The following RAB25 variants were observed in gnomAD, a reference collection of about 807,000 sequenced individuals.
The protein encoded by RAB25 is RAB25, member RAS oncogene family, also known as ras-related protein Rab-25.
Under a neutral mutation model 25.2 loss-of-function variants are expected in RAB25, and 23 were observed. That is an observed-to-expected ratio of 0.91 (90% confidence interval 0.66 to 1.29). RAB25 has a LOEUF of 1.29. Ranked by LOEUF, RAB25 falls within the 50% of genes most tolerant of loss-of-function variation. The pLI is 0.00. For synonymous variants in RAB25, 102 were observed against 111.5 expected (o/e 0.91, Z 0.54); for missense variants, 244 against 277.3 (o/e 0.88, Z 0.85).
chr1:156,065,792 C>CGT (rs1285783511), intron 1 of RAB25, 119 bp from the exon 2 acceptor site: 9 of 774,430 alleles, frequency 1.2e-5, no homozygotes, highest in Non-Finnish European at 1.8e-5. Context: ...CAGGAGACTC[C>CGT]GTTCCCTAAT....
At position 156,070,285 on chromosome 1, in the gene RAB25, T is replaced by C; in HGVS notation, c.640T>C (p.Ter214ArgextTer44). The change falls in exon 5 of 5, where the codon TGA becomes CGA. Residue 214 changes from the stop codon to arginine (R), a stop_lost. Transcript: ENST00000361084. Reference protein sequence around the residue: ...GEKRACCISL* With the variant: ...GEKRACCISLR ...GAAGAGGGCCTGTTGCATCAGCCTC[T>C]GACCTTGGCCAGCACCACCTGCCCC... is the stretch of plus-strand genomic sequence containing the variant. 1.9e-6 allele frequency: 3 copies of C among 1,613,510 alleles called. No individual in the cohort carries two copies. Among genetic ancestry groups the C allele is most frequent in the Non-Finnish European group, 8.5e-7 (1 of 1,179,542 alleles).
intron 4 of RAB25, 89 bp downstream of exon 4, chr1:156,069,840 C>T: frequency 8.3e-7 from 1 of 1,203,760 alleles, no homozygotes; most frequent in Non-Finnish European, 1.2e-6. Flanking sequence ...GCCCTCACCC[C>T]AGCTAATTTC....
chr1:156,061,198 A>C lies in RAB25; in HGVS notation c.-203A>C, dbSNP rs982171056. Reference sequence around the variant, plus strand: ...CTCTCTGCTTCCTTACAGCACCCCCACCTGCCAGAGCTGATCCTCCCTAGG... The same window carrying C: ...CTCTCTGCTTCCTTACAGCACCCCCCCCTGCCAGAGCTGATCCTCCCTAGG... On this transcript the variant is annotated 5_prime_UTR_variant, in exon 1 of 5. Transcript: ENST00000361084. The C allele has an allele frequency of 2.2e-5, 12 of 552,780 alleles. 1 individual carries two copies. The highest frequency in any genetic ancestry group is 5.8e-5 in the Admixed American group (2 of 34,780). 34.2% of individuals were successfully genotyped at this position (552,780 alleles called of 1,614,324 possible).
chr1:156,069,715 A>T lies in RAB25; in HGVS notation c.478A>T (p.Thr160Ser), dbSNP rs758368794. Residue 160 changes from threonine to serine, a missense_variant, in exon 4 of 5, where the codon ACC (threonine) becomes TCC (serine). Coordinates refer to ENST00000361084, the MANE Select transcript of RAB25 (RefSeq NM_020387.4). Reference sequence around the variant, plus strand: ...CCTGGAGACCTCAGCCCTGGACTCTACCAATGTTGAGCTAGCCTTTGAGAC... The same window carrying T: ...CCTGGAGACCTCAGCCCTGGACTCTTCCAATGTTGAGCTAGCCTTTGAGAC... ...LFLETSALDS[T>S]NVELAFETVL... 1 of 1,613,426 alleles carries T rather than the reference A, an allele frequency of 6.2e-7. No homozygotes were observed. The highest frequency in any genetic ancestry group is 1.1e-5 in the South Asian group (1 of 91,068).
intron 4 of RAB25, 129 bp downstream of exon 4, chr1:156,069,880 G>A: frequency 1.1e-6 from 1 of 945,696 alleles, no homozygotes; most frequent in Non-Finnish European, 1.7e-6. Flanking sequence ...TGGCACCACT[G>A]CCTGTCCCCC....
rs757540687 is a variant in RAB25 at position 156,070,141 on chromosome 1, C to T, written c.515-19C>T. 1 of 1,613,992 alleles carries T rather than the reference C, an allele frequency of 6.2e-7. No individual in the cohort carries two copies. Among genetic ancestry groups the T allele is most frequent in the African/African-American group, 1.3e-5 (1 of 74,910 alleles). ...GGCTCTAAATCTTCTGGCCTGATCA[C>T]TGCCCTCTGCCCTCCCAGAAATCTT... On this transcript the variant is annotated intron_variant, in intron 4 of 4. Transcript: ENST00000361084.
intron 1 of RAB25, 87 bp from the exon 2 acceptor site, chr1:156,065,824 C>G: frequency 8.8e-7 from 1 of 1,136,146 alleles, no homozygotes; most frequent in Non-Finnish European, 1.2e-6. Context: ...GCTCAGTTCC[C>G]TTTTTCTGCT....
intron 3 of RAB25, among the ~76,000 whole-genome samples, chr1:156,068,908 C>T (rs1253007920): frequency 1.3e-5 from 2 of 150,814 alleles, no homozygotes. Context: ...AGGCTGGTCT[C>T]GAACCCCTGA....
rs1456312179 is a variant in RAB25, at chr1:156,070,464, C to T, written c.*177C>T. 1.0e-5 allele frequency: 8 copies of T among 797,454 alleles called. No individual in the cohort carries two copies. The highest frequency in any genetic ancestry group is 2.9e-5 in the Admixed American group (1 of 33,902). The allele number at this position is 797,454 out of a possible 1,614,324, so 49.4% of individuals were successfully genotyped here. ...AAATACCTCTTTTATCTGTCCACCCCTCACAGACTAGGACCCTCAAATAAA... is the reference window on the plus strand; with the variant it reads ...AAATACCTCTTTTATCTGTCCACCCTTCACAGACTAGGACCCTCAAATAAA... On this transcript the variant is annotated 3_prime_UTR_variant, in exon 5 of 5. Transcript: ENST00000361084.
Position 156,068,473 on chromosome 1 carries a change from T to C in RAB25, c.433+10T>C. On this transcript the variant is annotated intron_variant, in intron 3 of 4. Coordinates refer to ENST00000361084, the MANE Select transcript of RAB25 (RefSeq NM_020387.4). ...GCCCGAATGTTCGCTGGTGAGAGCC[T>C]GCCACTACCCAGGCTGACTCCTCCA... 6.2e-7 allele frequency: 1 copy of C among 1,609,344 alleles called. No individual in the cohort carries two copies. Among genetic ancestry groups the C allele is most frequent in the Non-Finnish European group, 8.5e-7 (1 of 1,177,584 alleles).
At chr1:156,061,546 C>T (rs911194729) in intron 1 of RAB25, 103 bp downstream of exon 1, 25 of 1,193,508 alleles carry the variant, frequency 2.1e-5, no homozygotes, top group Admixed American at 1.1e-4. Flanking sequence ...CTTACCAAGA[C>T]CTCCTGGGGC....
intron 1 of RAB25, among the ~76,000 whole-genome samples, chr1:156,063,085 G>A (rs1647629204): frequency 6.6e-6 from 1 of 151,382 alleles, no homozygotes; most frequent in Non-Finnish European, 1.5e-5. Context: ...AAGTATTGAG[G>A]GTTGGGTTGG....
At chr1:156,065,761 G>C in intron 1 of RAB25, 150 bp from the exon 2 acceptor site, 1 of 557,426 alleles carries the variant, frequency 1.8e-6, no homozygotes, top group Non-Finnish European at 3.0e-6. Flanking sequence ...GCATTATGCA[G>C]AGTTGCAGAC....
In RAB25 at chr1:156,068,280, G is replaced by T. The variant is rs775394870; in HGVS notation, c.250G>T (p.Gly84Cys). Residue 84 changes from glycine (G) to cysteine (C), a missense_variant, in exon 3 of 5, where the codon GGT becomes TGT. Transcript: ENST00000361084. Reference protein sequence around the residue: ...YRAITSAYYRGAVGALLVFDL... With the variant: ...YRAITSAYYRCAVGALLVFDL... ...CTCATTCCCACCCAGGTACTATCGT[G>T]GTGCAGTGGGGGCCCTCCTGGTGTT... is the stretch of plus-strand genomic sequence containing the variant. 6.8e-6 allele frequency: 11 copies of T among 1,612,036 alleles called. No homozygotes were observed. The highest frequency in any genetic ancestry group is 9.3e-6 in the Non-Finnish European group (11 of 1,178,238).
At chr1:156,068,056 G>A (rs898293395) in intron 2 of RAB25, among the ~76,000 whole-genome samples, 1 of 152,132 alleles carries the variant, frequency 6.6e-6, no homozygotes, top group Non-Finnish European at 1.5e-5. Context: ...CCTGGCCGAG[G>A]GAGGTGAAAC....
At position 156,068,327 on chromosome 1, in the gene RAB25, C is replaced by T. The variant is rs763407549; in HGVS notation, c.297C>T (p.Thr99=). The change falls in exon 3 of 5, where the codon ACC becomes ACT. Residue 99 remains threonine (T), a synonymous_variant. Coordinates refer to ENST00000361084, the MANE Select transcript of RAB25 (RefSeq NM_020387.4). ...TGTTTGACCTAACCAAGCACCAGAC[C>T]TATGCTGTGGTGGAGCGATGGCTGA... is the stretch of plus-strand genomic sequence containing the variant. The part of the protein sequence containing the change: ...LLVFDLTKHQ[T]YAVVERWLKE... The T allele has an allele frequency of 2.2e-5, 36 of 1,614,014 alleles. No individual in the cohort carries two copies. In the Admixed American group the frequency reaches 4.3e-4, roughly 19 times the overall value.
In RAB25 at chr1:156,070,207, A is replaced by G. The variant is rs2102772668; in HGVS notation, c.562A>G (p.Asn188Asp). 9 of 1,614,082 alleles carry G rather than the reference A, an allele frequency of 5.6e-6. No homozygotes were observed. In the East Asian group the frequency reaches 2.0e-4, roughly 36 times the overall value. ...GCAGAGACAGAACAGCATCCGGACC[A>G]ATGCCATCACTCTGGGCAGTGCCCA... ...SKQRQNSIRT[N>D]AITLGSAQAG... Residue 188 changes from asparagine to aspartate, a missense_variant, in exon 5 of 5, where the codon AAT becomes GAT. By Grantham distance (23) the Asn-to-Asp change is conservative. Coordinates refer to ENST00000361084, the MANE Select transcript of RAB25 (RefSeq NM_020387.4).
chr1:156,070,019 C>T (rs1233514083), intron 4 of RAB25, 141 bp from the exon 5 acceptor site: 46 of 1,330,590 alleles, frequency 3.5e-5, no homozygotes, highest in Non-Finnish European at 4.9e-5. Flanking sequence ...GTCCACACTT[C>T]ATTTCCTTCC....
At chr1:156,065,796 C>G in intron 1 of RAB25, 115 bp from the exon 2 acceptor site, 1 of 810,226 alleles carries the variant, frequency 1.2e-6, no homozygotes, top group Non-Finnish European at 1.9e-6. Context: ...AGACTCCGTT[C>G]CCTAATCTTT....
Sources: gnomAD v4.1 joint callset for allele counts (sites outside exome capture counted in the v4.1 genomes callset) on GRCh38, gnomAD v4.1.1 for gene constraint, MANE v1.5 for transcripts, NCBI Gene and HGNC (gene_info 2026-07-23, HGNC 2026-07-21) for gene names.